Variants in RAD51B observed in about 807,000 individuals in gnomAD.
RAD51B encodes DNA repair protein RAD51 homolog 2.
Under a neutral mutation model 42.2 loss-of-function variants are expected in RAD51B, and 38 were observed. The ratio of observed to expected loss-of-function variants is 0.90; its 90% CI spans 0.70 to 1.18. The LOEUF (loss-of-function observed/expected upper bound fraction) is 1.18, where lower values mean the gene tolerates loss of function less well. Ranked by LOEUF, RAD51B falls within the 50% of genes most tolerant of loss-of-function variation. RAD51B has a pLI of 0.00. For missense variants in RAD51B, 373 were observed against 400.7 expected (o/e 0.93, Z 0.59); for synonymous variants, 154 against 145.2 (o/e 1.06, Z -0.43).
intron 7 of RAD51B, among the ~76,000 whole-genome samples, chr14:68,095,991 A>G (rs2077187559): frequency 6.6e-6 from 1 of 150,694 alleles, no homozygotes; most frequent in Non-Finnish European, 1.5e-5. Flanking sequence ...AAAAAAAAAA[A>G]AAAAAGAAAC....
At chr14:68,602,135 T>G (rs1428441428) in intron 10 of RAD51B, among the ~76,000 whole-genome samples, 2 of 152,078 alleles carry the variant, frequency 1.3e-5, no homozygotes. Flanking sequence ...GTTCCCTAAC[T>G]GGCCTTGGTC....
chr14:68,071,984 G>A lies in RAD51B; in HGVS notation c.756+184780G>A, dbSNP rs1208370017. Among the ~76,000 whole-genome samples the A allele has an allele frequency of 2.1e-5, 3 of 143,472 alleles. 1 individual carries two copies. The highest frequency in any genetic ancestry group is 4.5e-5 in the Non-Finnish European group (3 of 66,614). 94.1% of individuals were successfully genotyped at this position (143,472 alleles called of 152,430 possible). On this transcript the variant is annotated intron_variant, in intron 7 of 10. Transcript: ENST00000471583. ...TTCAATTTCTTTCTGCTTCAATCTT[G>A]GGATGTTGTATGTTTCCAGGAATTT...
intron 7 of RAD51B, among the ~76,000 whole-genome samples, chr14:68,142,663 T>A (rs2078152785): frequency 6.6e-6 from 1 of 152,200 alleles, no homozygotes; most frequent in Admixed American, 6.5e-5. Context: ...ATCGTCATGA[T>A]TTAATAATAG....
chr14:68,378,078 C>G (rs1885014), intron 8 of RAD51B, among the ~76,000 whole-genome samples: 68,063 of 152,034 alleles, frequency 0.45, 16,919 homozygotes, highest in South Asian at 0.59. Context: ...TAAAAGGACT[C>G]CACATATCAC....
intron 7 of RAD51B, among the ~76,000 whole-genome samples, chr14:68,005,726 T>A (rs1342471508): frequency 2.0e-5 from 3 of 152,194 alleles, no homozygotes; most frequent in Non-Finnish European, 2.9e-5. Flanking sequence ...ATTTGTATAA[T>A]TTTGGTGAAG....
intron 4 of RAD51B, among the ~76,000 whole-genome samples, chr14:67,856,404 G>A (rs1478052754): frequency 1.3e-5 from 2 of 151,382 alleles, no homozygotes; most frequent in Non-Finnish European, 2.9e-5. Flanking sequence ...GATTTAGAAT[G>A]TTAGTTATTT....
At chr14:68,200,413 C>G (rs914746721) in intron 7 of RAD51B, among the ~76,000 whole-genome samples, 1 of 152,126 alleles carries the variant, frequency 6.6e-6, no homozygotes, top group African/African-American at 2.4e-5. Context: ...TAAAGTATTA[C>G]CCACTAAAAC....
chr14:68,387,887 A>G (rs1176561358), intron 8 of RAD51B, among the ~76,000 whole-genome samples: 2 of 152,282 alleles, frequency 1.3e-5, no homozygotes, highest in East Asian at 1.9e-4. Flanking sequence ...CAAGGACAGT[A>G]TGAGGGAAAA....
chr14:68,127,648 C>T (rs2077794471), intron 7 of RAD51B, among the ~76,000 whole-genome samples: 1 of 133,034 alleles, frequency 7.5e-6, no homozygotes, highest in African/African-American at 3.8e-5. Context: ...CACACACACA[C>T]ACACACATAC....
At chr14:68,280,093 T>C (rs1479122787) in intron 7 of RAD51B, among the ~76,000 whole-genome samples, 1 of 152,234 alleles carries the variant, frequency 6.6e-6, no homozygotes, top group East Asian at 1.9e-4. Context: ...AAGACAGAAA[T>C]AGAACCCAGG....
rs199981178 is a variant in RAD51B, at chr14:67,885,957, C to T, written c.541C>T (p.Arg181Trp). 5.3e-4 allele frequency: 853 copies of T among 1,605,202 alleles called. 6 individuals carry two copies. Among genetic ancestry groups the T allele is most frequent in the South Asian group, 4.4e-5 (4 of 90,320 alleles). ...LLTSSKVHLY[R>W]ELTCDEVLQR... Reference sequence around the variant, plus strand: ...GACAAGTAGTAAAGTTCATCTTTATCGGGAACTCACCTGTGATGAAGTTCT... The same window carrying T: ...GACAAGTAGTAAAGTTCATCTTTATTGGGAACTCACCTGTGATGAAGTTCT... The change falls in exon 6 of 11, where the codon CGG becomes TGG. Residue 181 changes from arginine to tryptophan, a missense_variant. Physicochemically the swap from Arg to Trp is moderately radical, Grantham distance 101 (BLOSUM62 -3). Coordinates refer to ENST00000471583, the MANE Select transcript of RAD51B (RefSeq NM_133510.4).
chr14:68,217,852 T>G (rs970910677), intron 7 of RAD51B, among the ~76,000 whole-genome samples: 3 of 152,222 alleles, frequency 2.0e-5, no homozygotes, highest in African/African-American at 7.2e-5. Context: ...TACTTAACTT[T>G]GAAAGGACAA....
intron 7 of RAD51B, among the ~76,000 whole-genome samples, chr14:67,893,497 C>CA (rs1566945321): frequency 6.4e-5 from 5 of 77,550 alleles, no homozygotes; most frequent in African/African-American, 1.9e-4. Context: ...CACACACACA[C>CA]ACACACACAC....
intron 10 of RAD51B, among the ~76,000 whole-genome samples, chr14:68,531,377 A>G (rs971745593): frequency 2.0e-5 from 3 of 152,148 alleles, no homozygotes; most frequent in Non-Finnish European, 4.4e-5. Flanking sequence ...CAAAAGACCC[A>G]CTTAGGCCAA....
intron 10 of RAD51B, among the ~76,000 whole-genome samples, chr14:68,607,373 G>A (rs190199685): frequency 3.9e-5 from 6 of 152,272 alleles, no homozygotes; most frequent in East Asian, 3.9e-4. Flanking sequence ...GGAAAAATGC[G>A]TGGCAAACAA....
chr14:68,198,715 G>A (rs61099839), intron 7 of RAD51B, among the ~76,000 whole-genome samples: 5,343 of 152,118 alleles, frequency 0.035, 309 homozygotes, highest in African/African-American at 0.12. Context: ...AGATACCTTT[G>A]ATTTTTATTA....
At chr14:68,324,364 A>G (rs1387335694) in intron 8 of RAD51B, among the ~76,000 whole-genome samples, 1 of 152,210 alleles carries the variant, frequency 6.6e-6, no homozygotes, top group Non-Finnish European at 1.5e-5. Context: ...CATGGGCACC[A>G]AAACATTTTA....
intron 7 of RAD51B, among the ~76,000 whole-genome samples, chr14:67,902,405 AG>A (rs2043641759): frequency 6.6e-6 from 1 of 152,194 alleles, no homozygotes; most frequent in Non-Finnish European, 1.5e-5. Flanking sequence ...AATCTGATTT[AG>A]TGACTGTTTT....
intron 8 of RAD51B, among the ~76,000 whole-genome samples, chr14:68,390,706 G>C (rs1450187876): frequency 6.6e-6 from 1 of 152,224 alleles, no homozygotes; most frequent in African/African-American, 2.4e-5. Context: ...TAGAGGCCCT[G>C]TGGTCATACT....
Sources: gnomAD v4.1 joint callset for allele counts (sites outside exome capture counted in the v4.1 genomes callset) on GRCh38, gnomAD v4.1.1 for gene constraint, MANE v1.5 for transcripts, NCBI Gene and HGNC (gene_info 2026-07-23, HGNC 2026-07-21) for gene names.